The following PTPRN2 variants were observed in gnomAD, a reference collection of about 807,000 sequenced individuals.
The protein encoded by PTPRN2 is protein tyrosine phosphatase receptor type N2.
PTPRN2 carries 74 observed loss-of-function variants against 118.8 expected under a neutral mutation model. The observed-to-expected ratio is 0.62, with a 90% CI of 0.52 to 0.76. The LOEUF (loss-of-function observed/expected upper bound fraction) is 0.76. Ranked by LOEUF, PTPRN2 falls within the 30% of genes least tolerant of loss-of-function variation. The pLI is 0.00. For missense variants in PTPRN2, 1,481 were observed against 1,394.4 expected (o/e 1.06, Z -0.99); for synonymous variants, 641 against 608.0 (o/e 1.05, Z -0.80).
chr7:158,391,701 G>C (rs1374455670), intron 2 of PTPRN2, among the ~76,000 whole-genome samples: 1 of 152,146 alleles, frequency 6.6e-6, no homozygotes, highest in African/African-American at 2.4e-5. Context: ...TCACAGCCCT[G>C]ACCAGCTGCC....
intron 12 of PTPRN2, among the ~76,000 whole-genome samples, chr7:157,815,080 G>A (rs750527493): frequency 1.3e-4 from 20 of 152,352 alleles, no homozygotes; most frequent in East Asian, 5.8e-4. Context: ...GGAGCAGCGC[G>A]GGAGGCAGTG....
In PTPRN2 at chr7:157,794,292, T is replaced by G. The variant is rs1563116218; in HGVS notation, c.1788+104381A>C. 6.7e-6 allele frequency among the ~76,000 whole-genome samples: 1 copy of G among 148,468 alleles called. No homozygotes were observed. The highest frequency in any genetic ancestry group is 1.5e-5 in the Non-Finnish European group (1 of 67,132). On this transcript the variant is annotated intron_variant, in intron 12 of 22. Coordinates refer to ENST00000389418, the MANE Select transcript of PTPRN2 (RefSeq NM_002847.5). The surrounding 1 kb of genome is among the most constrained non-coding windows in gnomAD (Gnocchi z 5.2). ...CTCTGCTCCGACCCGGGCTCACACC[T>G]CCCCTCGTTCTCTGCTCTGACCCGG...
chr7:157,566,783 T>C (rs1357508249), intron 21 of PTPRN2, among the ~76,000 whole-genome samples: 1 of 152,184 alleles, frequency 6.6e-6, no homozygotes, highest in Admixed American at 6.5e-5. Context: ...ACCCAGGACA[T>C]ACTTCTCCAT....
chr7:158,419,726 C>T (rs1328495567), intron 2 of PTPRN2, among the ~76,000 whole-genome samples: 1 of 152,168 alleles, frequency 6.6e-6, no homozygotes, highest in Non-Finnish European at 1.5e-5. Context: ...GCATTCACCA[C>T]TCAGGGATTT....
At chr7:158,389,336 C>T (rs932811564) in intron 2 of PTPRN2, among the ~76,000 whole-genome samples, 3 of 152,238 alleles carry the variant, frequency 2.0e-5, no homozygotes, top group African/African-American at 4.8e-5. Flanking sequence ...GAAGTGAAAG[C>T]GCACTTTGAC....
chr7:157,730,496 G>A (rs1306044127), intron 12 of PTPRN2, among the ~76,000 whole-genome samples: 2 of 152,182 alleles, frequency 1.3e-5, no homozygotes, highest in Admixed American at 6.5e-5. Flanking sequence ...GTGCCCCAGG[G>A]GTGACAGCGG....
chr7:158,201,843 A>G (rs1826669805), intron 4 of PTPRN2, among the ~76,000 whole-genome samples: 1 of 152,144 alleles, frequency 6.6e-6, no homozygotes. Flanking sequence ...AACCAAACCA[A>G]TGTATTTGAT....
intron 12 of PTPRN2, among the ~76,000 whole-genome samples, chr7:157,737,932 G>A (rs1800398984): frequency 6.6e-6 from 1 of 152,244 alleles, no homozygotes; most frequent in Non-Finnish European, 1.5e-5. Flanking sequence ...ACCTGCAGCA[G>A]CAGGGACAGA....
rs944544299 is a variant in PTPRN2 at position 158,531,784 on chromosome 7, T to C, written c.113-41999A>G. On this transcript the variant is annotated intron_variant, in intron 1 of 22. Transcript: ENST00000389418. ...CGACGCCCTCACCCACCACCTGCCC[T>C]CTGCTCATAGAAAGAACGTGGTGAA... 5.9e-5 allele frequency among the ~76,000 whole-genome samples: 9 copies of C among 152,218 alleles called. No individual in the cohort carries two copies. The East Asian group carries it at 9.7e-4, about 16-fold the overall frequency.
intron 12 of PTPRN2, among the ~76,000 whole-genome samples, chr7:157,697,296 C>G (rs1253625068): frequency 2.2e-4 from 32 of 145,808 alleles, no homozygotes; most frequent in Non-Finnish European, 3.6e-4. Context: ...CCCATGCATA[C>G]TGGGTCTTGG....
chr7:158,077,969 C>A (rs1190489455), intron 11 of PTPRN2, among the ~76,000 whole-genome samples: 1 of 152,156 alleles, frequency 6.6e-6, no homozygotes. Context: ...AGAGTAAGTG[C>A]CTCCTTGAGC....
chr7:158,384,116 G>A (rs1297482258), intron 2 of PTPRN2, among the ~76,000 whole-genome samples: 1 of 152,162 alleles, frequency 6.6e-6, no homozygotes, highest in Non-Finnish European at 1.5e-5. Flanking sequence ...TGATTTGCGT[G>A]CACCAACTGT....
chr7:157,620,832 C>A (rs1054462716), intron 15 of PTPRN2, among the ~76,000 whole-genome samples: 1 of 152,248 alleles, frequency 6.6e-6, no homozygotes, highest in African/African-American at 2.4e-5. Flanking sequence ...AAGCGGAGGG[C>A]TTTGCAGACC....
At chr7:157,933,961 A>T (rs1799553526) in intron 11 of PTPRN2, among the ~76,000 whole-genome samples, 1 of 152,054 alleles carries the variant, frequency 6.6e-6, no homozygotes, top group Non-Finnish European at 1.5e-5. Flanking sequence ...AGCAGGGGTG[A>T]GTCACTGATT....
At chr7:157,565,212 G>A (rs1452065249) in intron 21 of PTPRN2, among the ~76,000 whole-genome samples, 4 of 152,196 alleles carry the variant, frequency 2.6e-5, no homozygotes, top group African/African-American at 7.2e-5. Flanking sequence ...CTGAGAGCTG[G>A]GTCTATGCCC....
chr7:157,559,826 GC>G (rs971306538), intron 21 of PTPRN2, among the ~76,000 whole-genome samples: 6 of 151,414 alleles, frequency 4.0e-5, no homozygotes, highest in Admixed American at 1.3e-4. Flanking sequence ...CAGGGCTGTG[GC>G]CCCCCCCGCC....
At chr7:157,811,597 G>A (rs1323462039) in intron 12 of PTPRN2, among the ~76,000 whole-genome samples, 3 of 152,168 alleles carry the variant, frequency 2.0e-5, no homozygotes, top group South Asian at 2.1e-4. Flanking sequence ...ACACAGGAAC[G>A]TGCGTGAGCC....
chr7:158,441,364 G>GT (rs1322518347), intron 2 of PTPRN2, among the ~76,000 whole-genome samples: 18 of 146,850 alleles, frequency 1.2e-4, no homozygotes, highest in Admixed American at 1.1e-3. Context: ...GATGGTGATG[G>GT]CAGTGGTGGC....
intron 17 of PTPRN2, among the ~76,000 whole-genome samples, chr7:157,592,744 G>C (rs1014801588): frequency 6.1e-5 from 9 of 147,838 alleles, no homozygotes; most frequent in Non-Finnish European, 8.9e-5. Context: ...ACATGACGGA[G>C]GGTGGACGTG....
Sources: allele counts gnomAD v4.1 joint callset (sites outside exome capture counted in the v4.1 genomes callset), GRCh38; gene constraint gnomAD v4.1.1; non-coding constraint Gnocchi (gnomAD v3.1); transcripts MANE v1.5; gene names NCBI Gene and HGNC (gene_info 2026-07-23, HGNC 2026-07-21).